CADM2: variants seen among roughly 807,000 people sequenced by gnomAD.
CADM2 encodes cell adhesion molecule 2.
CADM2 carries 12 observed loss-of-function variants against 49.8 expected under a neutral mutation model. The observed-to-expected ratio is 0.24, with a 90% CI of 0.15 to 0.39. The LOEUF (loss-of-function observed/expected upper bound fraction) is 0.39. CADM2 is among the 10% of genes least tolerant of loss of function. The pLI, the probability that CADM2 is intolerant of heterozygous loss-of-function variation, is 1.00. For missense variants in CADM2, 378 were observed against 492.3 expected (o/e 0.77, Z 2.20); for synonymous variants, 214 against 175.4 (o/e 1.22, Z -1.74).
chr3:85,871,706 G>GTCA (rs149315637), intron 3 of CADM2, among the ~76,000 whole-genome samples: 74 of 151,952 alleles, frequency 4.9e-4, no homozygotes, highest in Non-Finnish European at 9.1e-4. Flanking sequence ...CTCTATCGTT[G>GTCA]TCATCATCAT....
At chr3:85,436,861 A>C (rs1189708322) in intron 1 of CADM2, among the ~76,000 whole-genome samples, 2 of 152,184 alleles carry the variant, frequency 1.3e-5, no homozygotes, top group African/African-American at 2.4e-5. Context: ...CATCATTGTC[A>C]CCTATAGTCA....
chr3:85,515,307 C>G (rs185628425), intron 1 of CADM2, among the ~76,000 whole-genome samples: 176 of 152,022 alleles, frequency 1.2e-3, no homozygotes, highest in African/African-American at 4.0e-3. Flanking sequence ...AAGATAACAT[C>G]GCCATTAGAT....
intron 8 of CADM2, among the ~76,000 whole-genome samples, chr3:86,034,675 C>T (rs1378628967): frequency 6.6e-6 from 1 of 152,072 alleles, no homozygotes; most frequent in South Asian, 2.1e-4. Flanking sequence ...CTCTAGCTTT[C>T]AGCTGCAGCT....
At chr3:85,748,881 CAG>C (rs2068742504) in intron 2 of CADM2, among the ~76,000 whole-genome samples, 1 of 152,022 alleles carries the variant, frequency 6.6e-6, no homozygotes, top group Non-Finnish European at 1.5e-5. Flanking sequence ...AGTATTCAAA[CAG>C]TGTACATCAA....
intron 1 of CADM2, among the ~76,000 whole-genome samples, chr3:85,142,469 G>A (rs2039606515): frequency 6.6e-6 from 1 of 152,186 alleles, no homozygotes; most frequent in African/African-American, 2.4e-5. Flanking sequence ...TGCTGGCAGA[G>A]AGCCACTTAG....
intron 3 of CADM2, among the ~76,000 whole-genome samples, chr3:85,823,102 T>C (rs2073693112): frequency 2.0e-5 from 3 of 152,190 alleles, no homozygotes; most frequent in South Asian, 4.1e-4. Flanking sequence ...TAGTTTCTTA[T>C]CTTGTATAAA....
chr3:85,585,464 A>G (rs2062915382), intron 1 of CADM2, among the ~76,000 whole-genome samples: 1 of 151,846 alleles, frequency 6.6e-6, no homozygotes, highest in Non-Finnish European at 1.5e-5. Flanking sequence ...TGGCTCTTCT[A>G]TTCATGAAAT....
intron 1 of CADM2, among the ~76,000 whole-genome samples, chr3:85,408,057 T>A (rs1285128892): frequency 1.6e-5 from 2 of 125,326 alleles, no homozygotes; most frequent in African/African-American, 5.7e-5. Context: ...ACGGACTTAA[T>A]CAGCAATAAT....
At chr3:85,650,653 C>A in intron 1 of CADM2, among the ~76,000 whole-genome samples, 1 of 151,730 alleles carries the variant, frequency 6.6e-6, no homozygotes, top group Admixed American at 6.6e-5. Context: ...ATCAGGAACT[C>A]TGGGAATTGG....
chr3:85,210,017 A>G (rs1428170186), intron 1 of CADM2, among the ~76,000 whole-genome samples: 1 of 152,224 alleles, frequency 6.6e-6, no homozygotes, highest in Non-Finnish European at 1.5e-5. Context: ...GAAGAAAAAT[A>G]GAAACTTAAA....
At chr3:86,028,379 C>T (rs1255379986) in intron 8 of CADM2, among the ~76,000 whole-genome samples, 2 of 152,028 alleles carry the variant, frequency 1.3e-5, no homozygotes, top group East Asian at 3.9e-4. Flanking sequence ...TAATTATTTT[C>T]AATGCTTCCA....
intron 8 of CADM2, among the ~76,000 whole-genome samples, chr3:86,002,078 G>A (rs999964350): frequency 1.3e-5 from 2 of 152,056 alleles, no homozygotes; most frequent in African/African-American, 2.4e-5. Flanking sequence ...ATGGAGCTTA[G>A]GTTACTGATT....
intron 1 of CADM2, among the ~76,000 whole-genome samples, chr3:85,068,102 G>T (rs1322683980): frequency 1.3e-5 from 2 of 152,052 alleles, no homozygotes. Context: ...TATTTTTAAC[G>T]CAGACTTTAG....
chr3:85,047,262 C>G (rs1217955483), intron 1 of CADM2, among the ~76,000 whole-genome samples: 1 of 152,120 alleles, frequency 6.6e-6, no homozygotes, highest in Non-Finnish European at 1.5e-5. Context: ...GCTGGTCACT[C>G]TCACACCACA....
intron 1 of CADM2, among the ~76,000 whole-genome samples, chr3:85,578,372 G>A (rs1378916839): frequency 4.6e-5 from 7 of 152,332 alleles, no homozygotes; most frequent in African/African-American, 1.4e-4. Context: ...ATATCATTTT[G>A]AGAGTAGGCG....
intron 1 of CADM2, among the ~76,000 whole-genome samples, chr3:85,048,228 T>C (rs1193232810): frequency 6.6e-6 from 1 of 152,212 alleles, no homozygotes; most frequent in African/African-American, 2.4e-5. Context: ...TTGTTTTATG[T>C]AATAGGCACA....
intron 1 of CADM2, among the ~76,000 whole-genome samples, chr3:85,541,628 T>A (rs1368957140): frequency 2.0e-5 from 3 of 148,806 alleles, no homozygotes; most frequent in African/African-American, 7.4e-5. Context: ...CTTCTTCCTC[T>A]ACACAATTAC....
intron 2 of CADM2, among the ~76,000 whole-genome samples, chr3:85,782,546 C>A (rs377741363): frequency 6.6e-6 from 1 of 151,382 alleles, no homozygotes. Flanking sequence ...GTCCCAGCTA[C>A]TTTGGAGGCT....
At chr3:85,017,858 G>A (rs972971799) in intron 1 of CADM2, among the ~76,000 whole-genome samples, 4 of 152,070 alleles carry the variant, frequency 2.6e-5, no homozygotes, top group Admixed American at 6.6e-5. Flanking sequence ...ACTATGACCC[G>A]AGTCAAAGAT....
Sources: gnomAD v4.1 joint callset for allele counts (sites outside exome capture counted in the v4.1 genomes callset) on GRCh38, gnomAD v4.1.1 for gene constraint, MANE v1.5 for transcripts, NCBI Gene and HGNC (gene_info 2026-07-23, HGNC 2026-07-21) for gene names.